PDE4B: variants seen among roughly 807,000 people sequenced by gnomAD.
The protein encoded by PDE4B is 3',5'-cyclic-AMP phosphodiesterase 4B.
PDE4B carries 20 observed loss-of-function variants against 82.2 expected under a neutral mutation model. The ratio of observed to expected loss-of-function variants is 0.24; its 90% CI spans 0.17 to 0.35. PDE4B has a LOEUF of 0.35. Among genes scored for constraint, PDE4B ranks in the 10% least tolerant of loss-of-function variants. The probability of loss-of-function intolerance (pLI) is 1.00; values close to 1 mark genes in which losing one functional copy is unlikely to be tolerated. For missense variants in PDE4B, 655 were observed against 907.2 expected, an observed-to-expected ratio of 0.72 and a Z score of 3.57; for synonymous variants, 320 against 318.9, an observed-to-expected ratio of 1.00 and a Z score of -0.04.
At chr1:65,951,094 G>C (rs867598605) in intron 3 of PDE4B, among the ~76,000 whole-genome samples, 1 of 152,016 alleles carries the variant, frequency 6.6e-6, no homozygotes, top group Admixed American at 6.6e-5. Context: ...CTGGTCTGCT[G>C]TCAACTCTTC....
intron 3 of PDE4B, among the ~76,000 whole-genome samples, chr1:66,070,205 T>C (rs1656080273): frequency 6.6e-6 from 1 of 152,076 alleles, no homozygotes; most frequent in African/African-American, 2.4e-5. Flanking sequence ...AGGCACCCTG[T>C]AAATGTGTTG....
chr1:66,176,526 A>C (rs555443505), intron 3 of PDE4B, among the ~76,000 whole-genome samples: 9 of 152,250 alleles, frequency 5.9e-5, no homozygotes, highest in Non-Finnish European at 1.2e-4. Context: ...ATAGCCCTCA[A>C]TTTATTCAAA....
At chr1:65,931,507 G>T (rs1482877955) in intron 3 of PDE4B, among the ~76,000 whole-genome samples, 1 of 152,158 alleles carries the variant, frequency 6.6e-6, no homozygotes, top group Non-Finnish European at 1.5e-5. Flanking sequence ...AGTATACAGA[G>T]TTAACATACA....
intron 3 of PDE4B, among the ~76,000 whole-genome samples, chr1:66,223,755 T>G (rs1031506939): frequency 1.3e-5 from 2 of 152,120 alleles, no homozygotes; most frequent in Non-Finnish European, 2.9e-5. Flanking sequence ...GAGATCATTT[T>G]ATTCCCTACC....
chr1:65,964,508 A>G (rs1291627681), intron 3 of PDE4B, among the ~76,000 whole-genome samples: 1 of 152,224 alleles, frequency 6.6e-6, no homozygotes, highest in African/African-American at 2.4e-5. Context: ...TCAATTCACC[A>G]GAAAACTCTG....
At chr1:66,174,482 G>A (rs955614201) in intron 3 of PDE4B, among the ~76,000 whole-genome samples, 2 of 152,114 alleles carry the variant, frequency 1.3e-5, no homozygotes, top group Non-Finnish European at 2.9e-5. Flanking sequence ...CCTTGGCCAG[G>A]TGTGGTGGCT....
intron 1 of PDE4B, among the ~76,000 whole-genome samples, chr1:65,875,876 C>T (rs542670843): frequency 6.6e-6 from 1 of 151,216 alleles, no homozygotes; most frequent in African/African-American, 2.4e-5. Context: ...GGGTGCAGCG[C>T]ACCAGCATGG....
intron 3 of PDE4B, among the ~76,000 whole-genome samples, chr1:66,114,285 A>T (rs1312953181): frequency 6.6e-6 from 1 of 152,236 alleles, no homozygotes; most frequent in Non-Finnish European, 1.5e-5. Context: ...TGAGCTACTC[A>T]GATGATAGTA....
intron 3 of PDE4B, among the ~76,000 whole-genome samples, chr1:66,164,806 G>A (rs576687120): frequency 6.0e-4 from 86 of 143,576 alleles, no homozygotes; most frequent in African/African-American, 2.1e-3. Flanking sequence ...ACCCAGGCTG[G>A]AGTGCAGTGG....
chr1:65,882,951 T>G (rs1245701006), intron 1 of PDE4B, among the ~76,000 whole-genome samples: 2 of 152,156 alleles, frequency 1.3e-5, no homozygotes, highest in Non-Finnish European at 2.9e-5. Flanking sequence ...GCACTGAACT[T>G]GGAATTTATG....
intron 3 of PDE4B, among the ~76,000 whole-genome samples, chr1:66,188,560 T>G (rs942591292): frequency 4.6e-5 from 7 of 151,736 alleles, no homozygotes; most frequent in Admixed American, 1.3e-4. Context: ...TAGCTCTTCT[T>G]GTTGAATTGA....
chr1:66,355,497 G>T, intron 8 of PDE4B, 30 bp from the exon 9 acceptor site: 2 of 1,386,946 alleles, frequency 1.4e-6, no homozygotes, highest in Non-Finnish European at 2.0e-6. Context: ...TTTTTAAAGT[G>T]GTTAATGCAT....
In PDE4B at chr1:65,918,656, A is replaced by C. The variant is rs1330311765; in HGVS notation, c.102A>C (p.Thr34=). 6.2e-7 allele frequency: 1 copy of C among 1,613,836 alleles called. No individual in the cohort carries two copies. Among genetic ancestry groups the C allele is most frequent in the Non-Finnish European group, 8.5e-7 (1 of 1,179,748 alleles). ...AATCCTACAGTTCTTCCAGTAACACACTTGGGATCGACCTCTGGAGAGGGA... is the reference window on the plus strand; with the variant it reads ...AATCCTACAGTTCTTCCAGTAACACCCTTGGGATCGACCTCTGGAGAGGGA... ...LSKSYSSSSN[T]LGIDLWRGRR... Residue 34 remains threonine (T), a synonymous_variant, in exon 3 of 17, where the codon ACA becomes ACC. Transcript: ENST00000341517.
At chr1:66,136,399 G>A (rs1458058009) in intron 3 of PDE4B, among the ~76,000 whole-genome samples, 5 of 151,966 alleles carry the variant, frequency 3.3e-5, no homozygotes, top group Admixed American at 1.3e-4. Flanking sequence ...CTTCACCCTC[G>A]CAGTAAGAAT....
chr1:65,915,634 G>A (rs1287676158), intron 2 of PDE4B, among the ~76,000 whole-genome samples: 3 of 152,158 alleles, frequency 2.0e-5, no homozygotes, highest in Admixed American at 1.3e-4. Context: ...CATTTCAATG[G>A]TCCTAACTTG....
intron 8 of PDE4B, among the ~76,000 whole-genome samples, chr1:66,339,285 A>G (rs1191988660): frequency 6.6e-6 from 1 of 152,248 alleles, no homozygotes; most frequent in Non-Finnish European, 1.5e-5. Flanking sequence ...TACTCTTTCT[A>G]TGACAAAATG....
intron 1 of PDE4B, among the ~76,000 whole-genome samples, chr1:65,874,709 T>A (rs1223677052): frequency 6.6e-6 from 1 of 151,456 alleles, no homozygotes; most frequent in Non-Finnish European, 1.5e-5. Flanking sequence ...GATTCCCTAT[T>A]TAATAAATGG....
At chr1:66,296,981 A>G (rs1179181258) in intron 7 of PDE4B, among the ~76,000 whole-genome samples, 6 of 152,182 alleles carry the variant, frequency 3.9e-5, no homozygotes, top group African/African-American at 9.6e-5. Flanking sequence ...CAGGCTAGAA[A>G]TTAAGTTTAA....
At chr1:65,809,734 A>G (rs531582845) in intron 1 of PDE4B, among the ~76,000 whole-genome samples, 1 of 152,332 alleles carries the variant, frequency 6.6e-6, no homozygotes, top group South Asian at 2.1e-4. Context: ...CATTTATTAT[A>G]CTTTCAGATA....
Sources: gnomAD v4.1 joint callset for allele counts (sites outside exome capture counted in the v4.1 genomes callset) on GRCh38, gnomAD v4.1.1 for gene constraint, MANE v1.5 for transcripts, NCBI Gene and HGNC (gene_info 2026-07-23, HGNC 2026-07-21) for gene names.